The following CELF2 variants were observed in gnomAD, a reference collection of about 807,000 sequenced individuals.
CELF2 encodes CUG triplet repeat RNA-binding protein 2.
In CELF2, 8 loss-of-function variants were observed where a neutral mutation model predicts 62.6. The ratio of observed to expected loss-of-function variants is 0.13; its 90% CI spans 0.07 to 0.23. The LOEUF (loss-of-function observed/expected upper bound fraction) is 0.23. Among genes scored for constraint, CELF2 ranks in the 10% least tolerant of loss-of-function variants. The pLI is 1.00. For missense variants in CELF2, 333 were observed against 671.0 expected (o/e 0.50, Z 5.56); for synonymous variants, 258 against 250.0 (o/e 1.03, Z -0.30).
chr10:10,535,082 C>T, the CELF2 span, among the ~76,000 whole-genome samples: 1 of 152,090 alleles, frequency 6.6e-6, no homozygotes, highest in Admixed American at 6.6e-5. Context: ...CTCTATTTAC[C>T]ACATTGGAAA....
chr10:10,720,342 T>C, the CELF2 span, among the ~76,000 whole-genome samples: 2 of 152,272 alleles, frequency 1.3e-5, no homozygotes, highest in African/African-American at 4.8e-5. Flanking sequence ...TCTGCTTCCT[T>C]TCTCCTTGCT....
intron 3 of CELF2, among the ~76,000 whole-genome samples, chr10:11,233,245 C>T (rs1360357300): frequency 6.6e-6 from 1 of 152,142 alleles, no homozygotes; most frequent in African/African-American, 2.4e-5. Context: ...GAGAAAAAGA[C>T]ACCTTACGCC....
the CELF2 span, among the ~76,000 whole-genome samples, chr10:10,641,755 G>A: frequency 6.6e-6 from 1 of 152,064 alleles, no homozygotes; most frequent in African/African-American, 2.4e-5. Flanking sequence ...AGCCTATGGA[G>A]GTTTTAAAAC....
chr10:10,698,543 C>T, the CELF2 span, among the ~76,000 whole-genome samples: 1 of 152,136 alleles, frequency 6.6e-6, no homozygotes, highest in Admixed American at 6.5e-5. Context: ...CAGAATAATC[C>T]ATCCAAACCA....
At chr10:10,643,290 A>G in the CELF2 span, among the ~76,000 whole-genome samples, 1 of 151,894 alleles carries the variant, frequency 6.6e-6, no homozygotes, top group Admixed American at 6.6e-5. Context: ...GGAGGGACCC[A>G]GTTGGAGATA....
the CELF2 span, among the ~76,000 whole-genome samples, chr10:10,508,362 C>A: frequency 6.6e-6 from 1 of 152,178 alleles, no homozygotes; most frequent in Non-Finnish European, 1.5e-5. Context: ...ACCTAATAAG[C>A]AGCTTCCAGA....
intron 2 of CELF2, among the ~76,000 whole-genome samples, chr10:11,203,076 C>A (rs957256594): frequency 2.6e-5 from 4 of 151,994 alleles, no homozygotes; most frequent in African/African-American, 9.7e-5. Context: ...CAGGGTGTTT[C>A]TTTTCTTTTT....
the CELF2 span, among the ~76,000 whole-genome samples, chr10:10,718,448 AC>A: frequency 2.0e-5 from 3 of 151,782 alleles, no homozygotes; most frequent in African/African-American, 7.3e-5. Context: ...ACATGGTGAA[AC>A]CCCCTCTGTA....
chr10:10,996,250 A>G (rs1040278657), intron 2 of CELF2, among the ~76,000 whole-genome samples: 12 of 152,238 alleles, frequency 7.9e-5, no homozygotes, highest in Admixed American at 1.3e-4. Context: ...CTGTTCAGAA[A>G]GCTGGGTGCA....
chr10:10,647,760 C>A, the CELF2 span, among the ~76,000 whole-genome samples: 5 of 152,176 alleles, frequency 3.3e-5, no homozygotes, highest in Admixed American at 6.5e-5. Context: ...TGATAAACAT[C>A]ATCATTTACA....
At chr10:10,628,859 TA>T in the CELF2 span, among the ~76,000 whole-genome samples, 1 of 151,834 alleles carries the variant, frequency 6.6e-6, no homozygotes, top group Non-Finnish European at 1.5e-5. Context: ...AAAAATAAAT[TA>T]AAAAAAGACT....
rs1188679382 is a variant in CELF2 at position 11,334,164 on chromosome 10, T to C, written c.*5111T>C. Reference sequence around the variant, plus strand: ...TAGATTTAGAAGTACTCAGTCACTTTAAGTGGATAAATGTATTAGTTAAAA... The same window carrying C: ...TAGATTTAGAAGTACTCAGTCACTTCAAGTGGATAAATGTATTAGTTAAAA... On this transcript the variant is annotated 3_prime_UTR_variant, in exon 13 of 13. Coordinates refer to ENST00000633077, the MANE Select transcript of CELF2 (RefSeq NM_001326342.2). 1 of 152,706 alleles carries C rather than the reference T, an allele frequency of 6.5e-6. No homozygotes were observed. The highest frequency in any genetic ancestry group is 6.5e-5 in the Admixed American group (1 of 15,288). The allele number at this position is 152,706 out of a possible 1,614,324, so 9.5% of individuals were successfully genotyped here. A position where few individuals can be genotyped will look rare whatever the true frequency, so the allele number is the denominator to read the frequency against.
chr10:11,196,831 C>G (rs970984946), intron 2 of CELF2, among the ~76,000 whole-genome samples: 3 of 151,144 alleles, frequency 2.0e-5, no homozygotes, highest in African/African-American at 7.3e-5. Flanking sequence ...GTGGCGCATG[C>G]GCTTGTAATC....
intron 1 of CELF2, among the ~76,000 whole-genome samples, chr10:11,125,143 A>C (rs191154539): frequency 2.1e-3 from 314 of 152,308 alleles, no homozygotes; most frequent in African/African-American, 6.9e-3. Flanking sequence ...CAGTGGTTAG[A>C]AATGGCCAAG....
At chr10:10,733,582 G>A in the CELF2 span, among the ~76,000 whole-genome samples, 1 of 150,058 alleles carries the variant, frequency 6.7e-6, no homozygotes, top group Non-Finnish European at 1.5e-5. Flanking sequence ...AAAAGAAAGA[G>A]GTTTAATGGA....
chr10:11,025,762 A>G (rs1222856402), intron 1 of CELF2, among the ~76,000 whole-genome samples: 1 of 152,256 alleles, frequency 6.6e-6, no homozygotes, highest in Non-Finnish European at 1.5e-5. Context: ...GAAAGACTTT[A>G]TGTTCAGAAA....
At chr10:11,020,162 C>G (rs2058073361) in intron 1 of CELF2, among the ~76,000 whole-genome samples, 1 of 152,228 alleles carries the variant, frequency 6.6e-6, no homozygotes, top group Non-Finnish European at 1.5e-5. Flanking sequence ...TATGAAAATC[C>G]TAACGTGACT....
At chr10:10,590,028 G>T in the CELF2 span, among the ~76,000 whole-genome samples, 1 of 152,166 alleles carries the variant, frequency 6.6e-6, no homozygotes, top group African/African-American at 2.4e-5. Flanking sequence ...TCTGCCCGGG[G>T]TGCTCAGGAA....
At chr10:10,737,754 C>T in the CELF2 span, among the ~76,000 whole-genome samples, 391 of 152,024 alleles carry the variant, frequency 2.6e-3, 1 homozygote, top group Middle Eastern at 3.4e-3. Context: ...AGGTTCCCTG[C>T]CATACTGCCT....
Sources: allele counts gnomAD v4.1 joint callset (sites outside exome capture counted in the v4.1 genomes callset), GRCh38; gene constraint gnomAD v4.1.1; transcripts MANE v1.5; gene names NCBI Gene and HGNC (gene_info 2026-07-23, HGNC 2026-07-21).